Variants in CKAP5 observed in about 807,000 individuals in gnomAD.
CKAP5 encodes the protein cytoskeleton associated protein 5.
Under a neutral mutation model 232.8 loss-of-function variants are expected in CKAP5, and 27 were observed. The observed-to-expected ratio is 0.12, with a 90% CI of 0.09 to 0.16. The LOEUF (loss-of-function observed/expected upper bound fraction) is 0.16. Ranked by LOEUF, CKAP5 falls within the 10% of genes least tolerant of loss-of-function variation. The pLI is 1.00. For synonymous variants in CKAP5, 785 were observed against 841.1 expected (o/e 0.93, Z 1.16); for missense variants, 1,838 against 2,424.7 (o/e 0.76, Z 5.08).
In CKAP5 at chr11:46,755,120, G is replaced by C. The variant is rs1592434848; in HGVS notation, c.4690-53C>G. The C allele has an allele frequency of 7.2e-6, 10 of 1,394,772 alleles. No individual in the cohort carries two copies. The South Asian group carries it at 1.3e-4, about 17-fold the overall frequency. 86.4% of individuals were successfully genotyped at this position (1,394,772 alleles called of 1,614,324 possible). ...TTCCAAGCTTCATACTTCTAAAATA[G>C]CGGAAGACACTATATGAAACTTCTC... On this transcript the variant is annotated intron_variant, in intron 35 of 43. Transcript: ENST00000529230.
At chr11:46,843,978 T>C (rs1347495692) in intron 1 of CKAP5, among the ~76,000 whole-genome samples, 1 of 151,966 alleles carries the variant, frequency 6.6e-6, no homozygotes, top group East Asian at 1.9e-4. Context: ...CCCAACACTT[T>C]GGGAAGCTGA....
At chr11:46,784,443 A>T in intron 17 of CKAP5, 45 bp downstream of exon 17, 1 of 1,486,726 alleles carries the variant, frequency 6.7e-7, no homozygotes, top group Non-Finnish European at 9.2e-7. Context: ...AGTTTGGGGG[A>T]AAAAATTGGG....
chr11:46,784,635 G>T lies in CKAP5; in HGVS notation c.2007C>A (p.Ala669=). 6.2e-7 allele frequency: 1 copy of T among 1,613,748 alleles called. No individual in the cohort carries two copies. Among genetic ancestry groups the T allele is most frequent in the Non-Finnish European group, 8.5e-7 (1 of 1,179,892 alleles). ...QMKLHIVALI[A]QKGNFSKTSA... is the part of the protein sequence containing the mutation. Reference sequence around the variant, plus strand: ...ACGTTTTGGAAAAATTTCCCTTCTGGGCAATCAAAGCAACTATATGAAGCT... The same window carrying T: ...ACGTTTTGGAAAAATTTCCCTTCTGTGCAATCAAAGCAACTATATGAAGCT... Residue 669 remains alanine, a synonymous_variant, in exon 17 of 44, where the codon GCC becomes GCA. Coordinates refer to ENST00000529230, the MANE Select transcript of CKAP5 (RefSeq NM_001008938.4).
chr11:46,761,128 A>G (rs1229127650), intron 32 of CKAP5, among the ~76,000 whole-genome samples: 1 of 151,966 alleles, frequency 6.6e-6, no homozygotes, highest in Non-Finnish European at 1.5e-5. Context: ...ACGCGCCTGT[A>G]GTCCTTGCTA....
chr11:46,776,103 G>C (rs545750388), intron 24 of CKAP5, 152 bp downstream of exon 24: 20 of 542,894 alleles, frequency 3.7e-5, no homozygotes, highest in Non-Finnish European at 5.8e-5. Context: ...GGAAGCACAT[G>C]AATACAAAGG....
chr11:46,747,154 G>A (rs1424930345), intron 42 of CKAP5, among the ~76,000 whole-genome samples: 3 of 152,066 alleles, frequency 2.0e-5, no homozygotes, highest in African/African-American at 7.2e-5. Flanking sequence ...AATCTTATGG[G>A]ACCACCATCA....
chr11:46,841,284 G>C (rs953952192), intron 1 of CKAP5, among the ~76,000 whole-genome samples: 19 of 151,506 alleles, frequency 1.3e-4, no homozygotes, highest in African/African-American at 4.4e-4. Flanking sequence ...AAAAAAAAAG[G>C]TGTCAGAATT....
Position 46,743,955 on chromosome 11 carries a change from A to AT in CKAP5, c.*67dup. The AT allele has an allele frequency of 6.2e-7, 1 of 1,603,630 alleles. No individual in the cohort carries two copies. Among genetic ancestry groups the AT allele is most frequent in the Non-Finnish European group, 8.5e-7 (1 of 1,174,306 alleles). Reference sequence around the variant, plus strand: ...TGTATACACTAGGCCTGCTGAGGCCATTTTAAACTATGAGGACTTCTAGTT... The same window carrying AT: ...TGTATACACTAGGCCTGCTGAGGCCATTTTTAAACTATGAGGACTTCTAGTT... On this transcript the variant is annotated 3_prime_UTR_variant, in exon 44 of 44. Transcript: ENST00000529230.
chr11:46,783,863 G>C (rs1468116882), intron 17 of CKAP5, among the ~76,000 whole-genome samples: 2 of 151,548 alleles, frequency 1.3e-5, no homozygotes, highest in African/African-American at 4.8e-5. Context: ...GCACCACCAC[G>C]CCTGGCTAAT....
chr11:46,830,145 G>C (rs1939747526), intron 1 of CKAP5, among the ~76,000 whole-genome samples: 1 of 151,866 alleles, frequency 6.6e-6, no homozygotes, highest in African/African-American at 2.4e-5. Flanking sequence ...ATCAGAGAAA[G>C]ATTAGAATAG....
intron 1 of CKAP5, among the ~76,000 whole-genome samples, chr11:46,822,173 C>T (rs1213327675): frequency 3.3e-5 from 5 of 151,718 alleles, no homozygotes; most frequent in African/African-American, 9.7e-5. Context: ...CCCAGCTACT[C>T]GGGAAGCTGA....
intron 36 of CKAP5, among the ~76,000 whole-genome samples, chr11:46,753,881 C>T (rs1321477429): frequency 6.6e-6 from 1 of 151,018 alleles, no homozygotes; most frequent in Non-Finnish European, 1.5e-5. Context: ...CGTGAGCCAC[C>T]GCGCCCGGCT....
Position 46,784,513 on chromosome 11 carries a change from C to T in CKAP5, c.2129G>A (p.Cys710Tyr). 6.2e-7 allele frequency: 1 copy of T among 1,614,024 alleles called. No homozygotes were observed. Among genetic ancestry groups the T allele is most frequent in the East Asian group, 2.2e-5 (1 of 44,864 alleles). ...CTGTTCAGCAGTCCATGGTAACATACAGGCTTCGGCTATTGCTGTCATAGC... is the reference window on the plus strand; with the variant it reads ...CTGTTCAGCAGTCCATGGTAACATATAGGCTTCGGCTATTGCTGTCATAGC... ...KEAMTAIAEA[C>Y]MLPWTAEQVV... Residue 710 changes from cysteine to tyrosine, a missense_variant, in exon 17 of 44, where the codon TGT (cysteine) becomes TAT (tyrosine). Physicochemically the swap from Cys to Tyr is radical, Grantham distance 194. Around this residue, in one of 6 missense-constraint regions of CKAP5, gnomAD observed 767 missense variants for 954.6 expected, o/e 0.80. Coordinates refer to ENST00000529230, the MANE Select transcript of CKAP5 (RefSeq NM_001008938.4).
At chr11:46,801,126 A>G (rs1382938349) in intron 9 of CKAP5, 74 bp downstream of exon 9, 10 of 1,044,512 alleles carry the variant, frequency 9.6e-6, no homozygotes, top group Non-Finnish European at 1.3e-5. Context: ...AGTTGTTTTA[A>G]AGCAAACAGC....
intron 33 of CKAP5, chr11:46,760,275 C>T: frequency 2.4e-6 from 1 of 409,528 alleles, no homozygotes; most frequent in Non-Finnish European, 4.7e-6. Flanking sequence ...AGTCACCCTC[C>T]AGAGGGGATG....
intron 10 of CKAP5, 42 bp from the exon 11 acceptor site, chr11:46,798,011 A>C (rs751408747): frequency 6.2e-7 from 1 of 1,606,604 alleles, no homozygotes; most frequent in South Asian, 1.1e-5. Context: ...TTTCAATTGT[A>C]AAGAACAATC....
Position 46,798,179 on chromosome 11 carries a change from A to ACATT in CKAP5, c.1084-8_1084-7insAATG. The ACATT allele has an allele frequency of 6.3e-7, 1 of 1,587,568 alleles. No homozygotes were observed. ...CCAAGATGGTTGGCACAACCTGTAA[A>ACATT]AGTGAATGGCTAGCACATTATTCAG... On this transcript the variant is annotated splice_polypyrimidine_tract_variant and splice_region_variant and intron_variant, in intron 9 of 43. Coordinates refer to ENST00000529230, the MANE Select transcript of CKAP5 (RefSeq NM_001008938.4).
At chr11:46,751,047 A>G (rs1174758331) in intron 40 of CKAP5, 71 bp downstream of exon 40, 8 of 1,570,764 alleles carry the variant, frequency 5.1e-6, no homozygotes, top group Non-Finnish European at 7.0e-6. Context: ...TATCCTGGTG[A>G]CCTACACCTT....
intron 9 of CKAP5, among the ~76,000 whole-genome samples, chr11:46,800,775 C>T (rs1939007610): frequency 6.6e-6 from 1 of 151,980 alleles, no homozygotes; most frequent in Non-Finnish European, 1.5e-5. Flanking sequence ...CAATGTAAAA[C>T]ACATTTTATA....
Sources: allele counts gnomAD v4.1 joint callset (sites outside exome capture counted in the v4.1 genomes callset), GRCh38; gene constraint gnomAD v4.1.1; regional missense constraint gnomAD v4.1.1; transcripts MANE v1.5; gene names NCBI Gene and HGNC (gene_info 2026-07-23, HGNC 2026-07-21).